Variants in SCART1 observed in about 807,000 individuals in gnomAD.
SCART1 encodes the protein scavenger receptor family member expressed on T cells 1, also known as scavenger receptor cysteine-rich domain-containing protein SCART1.
Under a neutral mutation model 36.2 loss-of-function variants are expected in SCART1, and 62 were observed. The observed-to-expected ratio is 1.71, with a 90% CI of 1.40 to 2.12. SCART1 has a LOEUF of 2.12. SCART1 is among the 30% of genes most tolerant of loss of function. The probability of loss-of-function intolerance (pLI) is 0.00; values close to 1 mark genes in which losing one functional copy is unlikely to be tolerated. For missense variants in SCART1, 1,041 were observed against 540.5 expected, an observed-to-expected ratio of 1.93 and a Z score of -9.18; for synonymous variants, 487 against 238.7, an observed-to-expected ratio of 2.04 and a Z score of -9.59.
intron 2 of SCART1, 82 bp downstream of exon 2, chr10:133,456,636 G>A (rs1850617535): frequency 1.7e-6 from 1 of 599,934 alleles, no homozygotes; most frequent in Non-Finnish European, 3.0e-6. Context: ...AGGACGCAGA[G>A]GAGGACTGGG....
chr10:133,468,726 A>AT (rs1406758979), exon 12 of SCART1: 2 of 152,198 alleles, frequency 1.3e-5, no homozygotes, highest in Non-Finnish European at 2.9e-5. Context: ...TTTTGTATCT[A>AT]TTAAGATGAT....
At position 133,454,175 on chromosome 10, in the gene SCART1, TCACTCAGCCCAGAGTG is replaced by T. The variant is rs1241335082; in HGVS notation, c.67+112_67+127del. On this transcript the variant is annotated intron_variant, in intron 1 of 11. Transcript: ENST00000640237. ...CAGTGACCTGCCGTCTGCCTGGGTC[TCACTCAGCCCAGAGTG>T]GGTGGGACATGCTGGGGCAGGAGGG... The T allele has an allele frequency of 6.3e-5, 43 of 687,118 alleles. No individual in the cohort carries two copies. The African/African-American group carries it at 6.9e-4, about 11-fold the overall frequency. 42.6% of individuals were successfully genotyped at this position (687,118 alleles called of 1,614,324 possible).
chr10:133,467,914 T>C (rs1850781620), exon 12 of SCART1: 3 of 699,642 alleles, frequency 4.3e-6, no homozygotes, highest in South Asian at 3.0e-5. Flanking sequence ...ACAGCAGACC[T>C]GTTTCTCAGG....
chr10:133,456,766 C>T (rs920801818), intron 2 of SCART1, among the ~76,000 whole-genome samples: 26 of 152,066 alleles, frequency 1.7e-4, no homozygotes, highest in East Asian at 3.9e-4. Flanking sequence ...GAAAAACCAA[C>T]GCCAGGGAGA....
chr10:133,464,277 GTGCAGTGAACCTGGGTGC>G (rs1419794090), intron 6 of SCART1: 138 of 326,268 alleles, frequency 4.2e-4, no homozygotes, highest in African/African-American at 2.9e-3. Context: ...GAACCTGGGC[GTGCAGTGAACCTGGGTGC>G]TGCAGTGAAC....
intron 4 of SCART1, 47 bp from the exon 5 acceptor site, chr10:133,458,974 T>C (rs1288417736): frequency 3.1e-6 from 2 of 643,690 alleles, no homozygotes; most frequent in African/African-American, 3.6e-5. Flanking sequence ...ACAGCCATGT[T>C]CTGGGTCGGC....
exon 7 of SCART1, chr10:133,464,795 G>T (rs1365750058): frequency 5.7e-6 from 4 of 702,484 alleles, no homozygotes; most frequent in Non-Finnish European, 1.0e-5. Context: ...CTTCCCCTCT[G>T]CGGGCACCGG....
chr10:133,465,024 C>G (rs1218409783), intron 7 of SCART1, 82 bp from the exon 8 acceptor site: 2 of 700,528 alleles, frequency 2.9e-6, no homozygotes, highest in East Asian at 2.7e-5. Flanking sequence ...GAGCCTGGGC[C>G]TGGGGGTCAC....
chr10:133,469,594 G>A (rs1305618299), downstream of SCART1, among the ~76,000 whole-genome samples: 1 of 144,000 alleles, frequency 6.9e-6, no homozygotes, highest in Non-Finnish European at 1.5e-5. Context: ...GGCCTGTCAG[G>A]GGGTGGGGGG....
At chr10:133,460,754 CT>C (rs35502706) in intron 6 of SCART1, among the ~76,000 whole-genome samples, 124 of 143,946 alleles carry the variant, frequency 8.6e-4, no homozygotes, top group Admixed American at 1.2e-3. Context: ...TTTTTGCAGA[CT>C]TTTTTTTTTT....
intron 6 of SCART1, among the ~76,000 whole-genome samples, chr10:133,462,301 G>T (rs749509916): frequency 3.3e-5 from 5 of 152,182 alleles, no homozygotes; most frequent in Non-Finnish European, 5.9e-5. Flanking sequence ...AAACCAGATG[G>T]GACTGTTCAT....
chr10:133,455,350 T>C (rs1221495991), intron 1 of SCART1, among the ~76,000 whole-genome samples: 2 of 149,894 alleles, frequency 1.3e-5, no homozygotes, highest in African/African-American at 4.9e-5. Flanking sequence ...GGCTGGGGGG[T>C]GTGGAGGGAT....
chr10:133,457,712 G>A lies in SCART1; in HGVS notation c.682+137G>A, dbSNP rs571379506. 55 of 571,262 alleles carry A rather than the reference G, an allele frequency of 9.6e-5. No homozygotes were observed. In the South Asian group the frequency reaches 1.1e-3, roughly 12 times the overall value. 35.4% of individuals were successfully genotyped at this position (571,262 alleles called of 1,614,324 possible). ...TGCATGAGACATTGGGCGCAGAGGT[G>A]GGAAAGGGCCTCAGCTCTCACGCTG... On this transcript the variant is annotated intron_variant, in intron 3 of 11. Coordinates refer to ENST00000640237, the Ensembl canonical transcript of SCART1.
At chr10:133,454,749 G>A (rs916156549) in intron 1 of SCART1, among the ~76,000 whole-genome samples, 1 of 152,130 alleles carries the variant, frequency 6.6e-6, no homozygotes, top group African/African-American at 2.4e-5. Flanking sequence ...CAGCAGGGCG[G>A]TGACCTGGTG....
At chr10:133,466,249 C>T (rs1361595634) in exon 10 of SCART1, 5 of 702,532 alleles carry the variant, frequency 7.1e-6, no homozygotes, top group Middle Eastern at 2.3e-4. Context: ...TGGCCCAGGC[C>T]CCCCACTGCC....
exon 6 of SCART1, chr10:133,459,720 G>A (rs775375030): frequency 6.6e-5 from 46 of 700,124 alleles, no homozygotes; most frequent in Non-Finnish European, 8.9e-5. Context: ...TCTGGGCACC[G>A]AAACCCGCCT....
intron 6 of SCART1, chr10:133,464,378 G>C (rs1850738516): frequency 4.1e-6 from 2 of 489,992 alleles, no homozygotes; most frequent in Admixed American, 3.8e-5. Context: ...AGTGAACCTG[G>C]GCGTGCAGAT....
At chr10:133,467,764 C>A (rs558823805) in intron 11 of SCART1, 83 bp from the exon 12 acceptor site, 7 of 576,282 alleles carry the variant, frequency 1.2e-5, no homozygotes, top group Non-Finnish European at 1.9e-5. Context: ...TTTATGCGTT[C>A]CTGTCTTACG....
At chr10:133,467,016 G>A (rs1251677870) in intron 10 of SCART1, 182 bp from the exon 11 acceptor site, 2 of 518,282 alleles carry the variant, frequency 3.9e-6, no homozygotes. Flanking sequence ...GCAAGGGACG[G>A]TGGCCAGGGA....
Sources: gnomAD v4.1 joint callset for allele counts (sites outside exome capture counted in the v4.1 genomes callset) on GRCh38, gnomAD v4.1.1 for gene constraint, MANE v1.5 for transcripts, NCBI Gene and HGNC (gene_info 2026-07-23, HGNC 2026-07-21) for gene names.